Variants in FIGN observed in about 807,000 individuals in gnomAD.
The protein encoded by FIGN is fidgetin.
A neutral mutation model predicts 51.3 loss-of-function variants in FIGN; 11 were observed. That is an observed-to-expected ratio of 0.21 (90% CI 0.13 to 0.35). FIGN has a LOEUF of 0.35. Among genes scored for constraint, FIGN ranks in the 10% least tolerant of loss-of-function variants. FIGN has a pLI of 1.00. For missense variants in FIGN, 857 were observed against 943.6 expected, an observed-to-expected ratio of 0.91 and a Z score of 1.20; for synonymous variants, 407 against 363.2, an observed-to-expected ratio of 1.12 and a Z score of -1.37.
intron 2 of FIGN, among the ~76,000 whole-genome samples, chr2:163,678,378 G>A (rs1359052960): frequency 2.0e-5 from 3 of 151,912 alleles, no homozygotes; most frequent in Non-Finnish European, 2.9e-5. Flanking sequence ...CTGCCATCAC[G>A]CCCAGCTAAT....
chr2:163,676,866 AT>A (rs1683979697), intron 2 of FIGN, among the ~76,000 whole-genome samples: 1 of 152,166 alleles, frequency 6.6e-6, no homozygotes, highest in African/African-American at 2.4e-5. Context: ...TGGAAATTCC[AT>A]AGTTTATAAT....
chr2:163,663,844 T>C (rs1683730589), intron 2 of FIGN, among the ~76,000 whole-genome samples: 1 of 151,356 alleles, frequency 6.6e-6, no homozygotes, highest in Admixed American at 6.6e-5. Context: ...ATCATGCCAT[T>C]GCACTCCAGC....
At chr2:163,614,608 GAAAA>G (rs113121034) in intron 2 of FIGN, among the ~76,000 whole-genome samples, 1 of 150,156 alleles carries the variant, frequency 6.7e-6, no homozygotes, top group Non-Finnish European at 1.5e-5. Context: ...AGAAAAACGT[GAAAA>G]AAAAAGTCTT....
chr2:163,634,642 C>A (rs1683197957), intron 2 of FIGN, among the ~76,000 whole-genome samples: 1 of 152,198 alleles, frequency 6.6e-6, no homozygotes, highest in Non-Finnish European at 1.5e-5. Context: ...TGCTACAGTG[C>A]ACATTTTGTT....
At chr2:163,701,524 C>CTGGAACCAGCA (rs1372087527) in intron 2 of FIGN, among the ~76,000 whole-genome samples, 1 of 152,060 alleles carries the variant, frequency 6.6e-6, no homozygotes, top group Admixed American at 6.6e-5. Flanking sequence ...CGGATGGTTC[C>CTGGAACCAGCA]CTGGAAACCA....
At chr2:163,712,199 C>T (rs1427465345) in intron 2 of FIGN, among the ~76,000 whole-genome samples, 2 of 152,216 alleles carry the variant, frequency 1.3e-5, no homozygotes, top group Non-Finnish European at 2.9e-5. Context: ...GCAATAACTG[C>T]TCACTGAATT....
At chr2:163,730,504 T>TTTTG (rs369762012) in intron 2 of FIGN, among the ~76,000 whole-genome samples, 2 of 148,930 alleles carry the variant, frequency 1.3e-5, no homozygotes, top group East Asian at 2.0e-4. Flanking sequence ...TGCTCCGTGT[T>TTTTG]TGTGTGTGTG....
Position 163,609,714 on chromosome 2 carries a change from A to G in FIGN, c.2118T>C (p.His706=). ...LCQEAVVGPL[H]AMPATDLSAI... The stretch of plus-strand genomic sequence containing the variant: ...CTGAAAGGTCTGTGGCTGGCATGGC[A>G]TGGAGGGGGCCCACCACTGCTTCCT... The change falls in exon 3 of 3, where the codon CAT becomes CAC. Residue 706 remains histidine, a synonymous_variant. Transcript: ENST00000333129. The G allele has an allele frequency of 1.2e-6, 2 of 1,614,034 alleles. No individual in the cohort carries two copies. The highest frequency in any genetic ancestry group is 1.7e-6 in the Non-Finnish European group (2 of 1,180,002).
chr2:163,710,446 C>T (rs1355278254), intron 2 of FIGN, among the ~76,000 whole-genome samples: 1 of 152,162 alleles, frequency 6.6e-6, no homozygotes, highest in African/African-American at 2.4e-5. Context: ...CTTTAAGAAG[C>T]TGAAAATCAC....
chr2:163,690,215 A>T (rs1294655083), intron 2 of FIGN, among the ~76,000 whole-genome samples: 1 of 152,208 alleles, frequency 6.6e-6, no homozygotes, highest in Non-Finnish European at 1.5e-5. Context: ...TCAATAAAGA[A>T]AAACACATGA....
intron 2 of FIGN, among the ~76,000 whole-genome samples, chr2:163,667,954 C>G (rs1267895065): frequency 6.6e-6 from 1 of 151,636 alleles, no homozygotes; most frequent in East Asian, 2.0e-4. Context: ...TTCATTCACT[C>G]AACACCTGTT....
intron 2 of FIGN, among the ~76,000 whole-genome samples, chr2:163,679,264 C>T (rs1379554161): frequency 5.3e-5 from 8 of 151,896 alleles, no homozygotes; most frequent in African/African-American, 9.7e-5. Context: ...GAGGCCGAGG[C>T]GGGCAGATCA....
chr2:163,704,393 A>C (rs1253937542), intron 2 of FIGN, among the ~76,000 whole-genome samples: 1 of 152,038 alleles, frequency 6.6e-6, no homozygotes, highest in African/African-American at 2.4e-5. Context: ...GTTTCAGAAC[A>C]TGGAGCGTAA....
intron 2 of FIGN, among the ~76,000 whole-genome samples, chr2:163,676,109 C>G (rs972062400): frequency 6.6e-6 from 1 of 151,442 alleles, no homozygotes; most frequent in Non-Finnish European, 1.5e-5. Flanking sequence ...TAATAGAAGA[C>G]TTAAGTCTGA....
intron 2 of FIGN, among the ~76,000 whole-genome samples, chr2:163,725,091 A>G (rs549867333): frequency 6.6e-6 from 1 of 152,230 alleles, no homozygotes; most frequent in South Asian, 2.1e-4. Flanking sequence ...TGTCCATGAC[A>G]ACAAATGCTG....
chr2:163,631,245 A>G (rs1473798878), intron 2 of FIGN, among the ~76,000 whole-genome samples: 1 of 152,222 alleles, frequency 6.6e-6, no homozygotes, highest in East Asian at 1.9e-4. Context: ...AGTATTCTAA[A>G]TATTTTCGTA....
At chr2:163,703,296 G>T (rs1230650595) in intron 2 of FIGN, among the ~76,000 whole-genome samples, 1 of 151,914 alleles carries the variant, frequency 6.6e-6, no homozygotes, top group Non-Finnish European at 1.5e-5. Context: ...TGATACTGCT[G>T]GGCAACTGAA....
chr2:163,719,864 T>A (rs2105362096), intron 2 of FIGN, among the ~76,000 whole-genome samples: 1 of 152,332 alleles, frequency 6.6e-6, no homozygotes, highest in East Asian at 1.9e-4. Flanking sequence ...GAACAATTTA[T>A]TTTTTAGTAT....
At position 163,660,791 on chromosome 2, in the gene FIGN, GTA is replaced by G. The variant is rs1683649183; in HGVS notation, c.26-48987_26-48986del. Among the ~76,000 whole-genome samples, 3 of 57,166 alleles carry G rather than the reference GTA, an allele frequency of 5.2e-5. 1 individual carries two copies. The highest frequency in any genetic ancestry group is 5.2e-4 in the Admixed American group (2 of 3,816). 37.5% of individuals were successfully genotyped at this position (57,166 alleles called of 152,430 possible). On this transcript the variant is annotated intron_variant, in intron 2 of 2. Coordinates refer to ENST00000333129, the MANE Select transcript of FIGN (RefSeq NM_018086.4). ...TATGTATACACATATACATATATAT[GTA>G]TATAGATATACATATATATACATAT...
Sources: allele counts gnomAD v4.1 joint callset (sites outside exome capture counted in the v4.1 genomes callset), GRCh38; gene constraint gnomAD v4.1.1; transcripts MANE v1.5; gene names NCBI Gene and HGNC (gene_info 2026-07-23, HGNC 2026-07-21).